NECTIN1: variants seen among roughly 807,000 people sequenced by gnomAD.
NECTIN1 encodes the protein nectin cell adhesion molecule 1.
NECTIN1 carries 23 observed loss-of-function variants against 48.0 expected under a neutral mutation model. The ratio of observed to expected loss-of-function variants is 0.48; its 90% CI spans 0.34 to 0.68. NECTIN1 has a LOEUF of 0.68. NECTIN1 is among the 30% of genes least tolerant of loss of function. The pLI is 0.01. For missense variants in NECTIN1, 591 were observed against 709.9 expected, an observed-to-expected ratio of 0.83 and a Z score of 1.90; for synonymous variants, 270 against 288.9, an observed-to-expected ratio of 0.93 and a Z score of 0.66.
chr11:119,702,321 G>A (rs537039396), intron 1 of NECTIN1, among the ~76,000 whole-genome samples: 12 of 152,170 alleles, frequency 7.9e-5, no homozygotes, highest in Admixed American at 6.5e-4. Flanking sequence ...TGGGAAATTC[G>A]TCCTGTGGTT....
rs66955603 is a variant in NECTIN1 at position 119,683,573 on chromosome 11, GGTGT to G, written c.80-4812_80-4809del. ...AGAAACAGGGGCTTTGGGGATCCCG[GGTGT>G]GTGTGTGTGTGTGTGTGTGTGTGTG... On this transcript the variant is annotated intron_variant, in intron 1 of 5. Coordinates refer to ENST00000264025, the MANE Select transcript of NECTIN1 (RefSeq NM_002855.5). The surrounding 1 kb of genome is among the most constrained non-coding windows in gnomAD (Gnocchi z 4.0). Among the ~76,000 whole-genome samples, 5,682 of 143,626 alleles carry G rather than the reference GGTGT, an allele frequency of 0.04. 201 individuals carry two copies. The highest frequency in any genetic ancestry group is 0.099 in the African/African-American group (3,820 of 38,458). 94.2% of individuals were successfully genotyped at this position (143,626 alleles called of 152,430 possible).
chr11:119,640,168 C>A, intron 5 of NECTIN1: 3 of 804,960 alleles, frequency 3.7e-6, no homozygotes, highest in Non-Finnish European at 6.0e-6. Context: ...CTAGGAGGGG[C>A]TCCCAGCCGG....
intron 1 of NECTIN1, chr11:119,713,084 G>A (rs1296275933): frequency 6.6e-6 from 1 of 152,300 alleles, no homozygotes; most frequent in Admixed American, 6.5e-5. Flanking sequence ...TGGCCATGGG[G>A]GCCTGCCCTT....
exon 6 of NECTIN1, chr11:119,639,882 C>A: frequency 6.2e-7 from 1 of 1,614,144 alleles, no homozygotes; most frequent in Non-Finnish European, 8.5e-7. Context: ...CATCCGTCTC[C>A]GGTGGGCTCT....
Position 119,678,398 on chromosome 11 carries a change from GGC to G in NECTIN1, c.430+15_430+16del. 1 of 1,609,556 alleles carries G rather than the reference GGC, an allele frequency of 6.2e-7. No homozygotes were observed. Among genetic ancestry groups the G allele is most frequent in the Non-Finnish European group, 8.5e-7 (1 of 1,175,988 alleles). On this transcript the variant is annotated intron_variant, in intron 2 of 5. Transcript: ENST00000264025. The surrounding 1 kb of genome is among the most constrained non-coding windows in gnomAD (Gnocchi z 4.4). ...CAGGCCTCTGGATGAACAGGGAGGGGGCCCAGGGCAGCTTACCCATCACCGTG... is the reference window on the plus strand; with the variant it reads ...CAGGCCTCTGGATGAACAGGGAGGGGCCAGGGCAGCTTACCCATCACCGTG...
In NECTIN1 at chr11:119,727,290, G is replaced by A. The variant is rs888075586; in HGVS notation, c.79+1185C>T. On this transcript the variant is annotated intron_variant, in intron 1 of 5. Coordinates refer to ENST00000264025, the MANE Select transcript of NECTIN1 (RefSeq NM_002855.5). The surrounding 1 kb of genome is among the most constrained non-coding windows in gnomAD (Gnocchi z 4.1). ...CGGCAAAGCACATTGCAGGAACTCG[G>A]GATCTAATATTCCTGCCCCACGAGG... is the stretch of plus-strand genomic sequence containing the variant. 6.6e-6 allele frequency among the ~76,000 whole-genome samples: 1 copy of A among 152,146 alleles called. No homozygotes were observed. The highest frequency in any genetic ancestry group is 2.1e-4 in the South Asian group (1 of 4,822).
rs142546100 is a variant in NECTIN1, at chr11:119,713,195, G to A, written c.79+15280C>T. Among the ~76,000 whole-genome samples, 604 of 152,272 alleles carry A rather than the reference G, an allele frequency of 4.0e-3. 5 individuals carry two copies. Among genetic ancestry groups the A allele is most frequent in the African/African-American group, 0.014 (588 of 41,562 alleles). On this transcript the variant is annotated intron_variant, in intron 1 of 5. Transcript: ENST00000264025. Reference sequence around the variant, plus strand: ...GAGATTAAGTACCACACTGGCTTTGGAGACCAGAAACCAGCTGGGGGAGGG... The same window carrying A: ...GAGATTAAGTACCACACTGGCTTTGAAGACCAGAAACCAGCTGGGGGAGGG...
intron 5 of NECTIN1, among the ~76,000 whole-genome samples, chr11:119,668,889 T>C (rs1027628704): frequency 1.3e-5 from 2 of 152,204 alleles, no homozygotes; most frequent in African/African-American, 2.4e-5. Context: ...TCATGATCAT[T>C]TGGGATTGAC....
rs116440300 is a variant in NECTIN1, at chr11:119,670,807, C to T, written c.1003+4352G>A. ...GACTACAGGCACGCACTGCCACACC[C>T]GGCTAATATTTTGTAGAGACGGGGT... On this transcript the variant is annotated intron_variant, in intron 5 of 5. Transcript: ENST00000264025. 4.9e-3 allele frequency among the ~76,000 whole-genome samples: 743 copies of T among 152,034 alleles called. 6 individuals are homozygous for T. Among genetic ancestry groups the T allele is most frequent in the African/African-American group, 0.017 (707 of 41,462 alleles).
chr11:119,655,190 C>A (rs189034351), intron 5 of NECTIN1, among the ~76,000 whole-genome samples: 6 of 151,118 alleles, frequency 4.0e-5, no homozygotes, highest in Non-Finnish European at 7.4e-5. Context: ...GGATTACAGG[C>A]GTGAGCCACC....
chr11:119,655,417 C>T (rs1864556692), intron 5 of NECTIN1, among the ~76,000 whole-genome samples: 1 of 152,236 alleles, frequency 6.6e-6, no homozygotes, highest in African/African-American at 2.4e-5. Flanking sequence ...TGACACACTG[C>T]GACTGGTCTG....
intron 5 of NECTIN1, among the ~76,000 whole-genome samples, chr11:119,669,457 C>T (rs1864831887): frequency 6.6e-6 from 1 of 151,784 alleles, no homozygotes; most frequent in Non-Finnish European, 1.5e-5. Flanking sequence ...TTCTCACCGT[C>T]TCCATCACTA....
rs1488144262 is a variant in NECTIN1, at chr11:119,672,413, C to T, written c.1003+2746G>A. ...TTCATTTTGTGACCACTGGGCCCAC[C>T]CCATGAAACTGCTCCTCTGTGTAAG... On this transcript the variant is annotated intron_variant, in intron 5 of 5. Coordinates refer to ENST00000264025, the MANE Select transcript of NECTIN1 (RefSeq NM_002855.5). This position sits in a 1 kb window ranked among gnomAD's most constrained non-coding sequence, Gnocchi z 4.3. Among the ~76,000 whole-genome samples, 1 of 152,178 alleles carries T rather than the reference C, an allele frequency of 6.6e-6. No homozygotes were observed. The highest frequency in any genetic ancestry group is 2.4e-5 in the African/African-American group (1 of 41,450).
intron 1 of NECTIN1, among the ~76,000 whole-genome samples, chr11:119,702,543 G>GC (rs1784003366): frequency 6.6e-6 from 1 of 151,984 alleles, no homozygotes; most frequent in Admixed American, 6.6e-5. Flanking sequence ...CCTTCCACTT[G>GC]CCCCCTTCTA....
At position 119,642,150 on chromosome 11, in the gene NECTIN1, T is replaced by C. The variant is rs76758049; in HGVS notation, c.1004-2138A>G. 3.8e-3 allele frequency: 550 copies of C among 144,340 alleles called. 8 individuals carry two copies. The highest frequency in any genetic ancestry group is 0.035 in the East Asian group (168 of 4,850). The allele number at this position is 144,340 out of a possible 1,614,324, so 8.9% of individuals were successfully genotyped here. On this transcript the variant is annotated intron_variant, in intron 5 of 7. Coordinates refer to the NECTIN1 transcript ENST00000341398. ...GTGAATGAATGAAGGCTTGCCTGAA[T>C]GTGTAGTGGGCAGTTCTGGGAGAGG...
chr11:119,720,123 G>A (rs932068206), intron 1 of NECTIN1, among the ~76,000 whole-genome samples: 12 of 152,216 alleles, frequency 7.9e-5, no homozygotes, highest in African/African-American at 2.4e-4. Flanking sequence ...GGGCAGACTG[G>A]AGCAGCAGAC....
intron 1 of NECTIN1, among the ~76,000 whole-genome samples, chr11:119,691,990 G>A (rs989276765): frequency 1.3e-5 from 2 of 152,196 alleles, no homozygotes; most frequent in South Asian, 2.1e-4. Context: ...CATGTGGGGT[G>A]AGGGGCCTGA....
At chr11:119,693,771 A>G (rs1865301344) in intron 1 of NECTIN1, among the ~76,000 whole-genome samples, 1 of 152,162 alleles carries the variant, frequency 6.6e-6, no homozygotes, top group African/African-American at 2.4e-5. Flanking sequence ...GGGATAGCAC[A>G]CCAAATTAGC....
At chr11:119,705,405 A>C (rs1865530521) in intron 1 of NECTIN1, among the ~76,000 whole-genome samples, 1 of 152,240 alleles carries the variant, frequency 6.6e-6, no homozygotes. Flanking sequence ...GTGTAGGATT[A>C]ATTAATTTTA....
Sources: gnomAD v4.1 joint callset for allele counts (sites outside exome capture counted in the v4.1 genomes callset) on GRCh38, gnomAD v4.1.1 for gene constraint, Gnocchi (gnomAD v3.1) non-coding constraint, MANE v1.5 for transcripts, NCBI Gene and HGNC (gene_info 2026-07-23, HGNC 2026-07-21) for gene names.